PINX1: variants seen among roughly 807,000 people sequenced by gnomAD.
PINX1 encodes PIN2/TERF1-interacting telomerase inhibitor 1.
A neutral mutation model predicts 25.4 loss-of-function variants in PINX1; 34 were observed. The observed-to-expected ratio is 1.34, with a 90% CI of 1.02 to 1.78. The LOEUF is 1.78. Ranked by LOEUF, PINX1 falls within the 40% of genes most tolerant of loss-of-function variation. The pLI is 0.00. For missense variants in PINX1, 592 were observed against 404.9 expected (o/e 1.46, Z -3.97); for synonymous variants, 197 against 147.7 (o/e 1.33, Z -2.42).
chr8:10,828,691 T>C (rs948609894), intron 4 of PINX1, among the ~76,000 whole-genome samples: 2 of 152,202 alleles, frequency 1.3e-5, no homozygotes, highest in African/African-American at 4.8e-5. Context: ...AATCACTTTC[T>C]ATCTATTTGT....
At chr8:10,793,050 T>A (rs1342827066) in intron 6 of PINX1, among the ~76,000 whole-genome samples, 1 of 152,194 alleles carries the variant, frequency 6.6e-6, no homozygotes, top group African/African-American at 2.4e-5. Flanking sequence ...CGTGCCATTC[T>A]GACCCTCGCT....
chr8:10,767,578 T>C (rs1801094265), intron 6 of PINX1, among the ~76,000 whole-genome samples: 1 of 152,216 alleles, frequency 6.6e-6, no homozygotes, highest in Admixed American at 6.5e-5. Flanking sequence ...CCTCAGGAGA[T>C]TTGTCTTTTT....
At chr8:10,798,949 T>G (rs2129079133) in intron 6 of PINX1, among the ~76,000 whole-genome samples, 3 of 152,310 alleles carry the variant, frequency 2.0e-5, no homozygotes, top group Admixed American at 2.0e-4. Flanking sequence ...TAATCAGTTT[T>G]CCCAAATTGT....
intron 1 of PINX1, among the ~76,000 whole-genome samples, chr8:10,836,382 C>T (rs1327613882): frequency 6.6e-6 from 1 of 152,194 alleles, no homozygotes; most frequent in Non-Finnish European, 1.5e-5. Flanking sequence ...ATGAACAACA[C>T]ACCAGAGAGA....
At chr8:10,810,867 TCACTA>T (rs1328643126) in intron 6 of PINX1, among the ~76,000 whole-genome samples, 2 of 152,232 alleles carry the variant, frequency 1.3e-5, no homozygotes. Context: ...AGGAGTCACT[TCACTA>T]GAGGACTTTG....
At chr8:10,828,516 C>G (rs1477971960) in intron 4 of PINX1, among the ~76,000 whole-genome samples, 3 of 152,160 alleles carry the variant, frequency 2.0e-5, no homozygotes, top group Non-Finnish European at 4.4e-5. Flanking sequence ...GGGACCGAAG[C>G]CCAGGCAGAC....
intron 6 of PINX1, among the ~76,000 whole-genome samples, chr8:10,810,727 C>T (rs1797484284): frequency 6.6e-6 from 1 of 152,320 alleles, no homozygotes; most frequent in East Asian, 1.9e-4. Context: ...TCTGTACTTC[C>T]ACCCAAAACT....
At chr8:10,824,004 A>G (rs1797957572) in intron 5 of PINX1, among the ~76,000 whole-genome samples, 1 of 152,234 alleles carries the variant, frequency 6.6e-6, no homozygotes, top group Non-Finnish European at 1.5e-5. Flanking sequence ...AATATGAATC[A>G]TCCTCATCAA....
chr8:10,766,290 A>T (rs1801043491), intron 6 of PINX1, among the ~76,000 whole-genome samples: 1 of 152,220 alleles, frequency 6.6e-6, no homozygotes, highest in Non-Finnish European at 1.5e-5. Flanking sequence ...CTCCCATCAG[A>T]AACAGGGACA....
intron 2 of PINX1, chr8:10,833,402 AT>A (rs1798286432): frequency 6.4e-6 from 1 of 156,518 alleles, no homozygotes; most frequent in Non-Finnish European, 1.4e-5. Context: ...TAATTTCCAT[AT>A]TTTAAAAGAT....
intron 6 of PINX1, among the ~76,000 whole-genome samples, chr8:10,781,187 A>T (rs1801574349): frequency 6.6e-6 from 1 of 152,200 alleles, no homozygotes; most frequent in African/African-American, 2.4e-5. Flanking sequence ...TACAACATAT[A>T]CAAAAATCAA....
At chr8:10,789,397 C>T (rs1022759436) in intron 6 of PINX1, among the ~76,000 whole-genome samples, 1 of 152,208 alleles carries the variant, frequency 6.6e-6, no homozygotes, top group Non-Finnish European at 1.5e-5. Context: ...CTAATTAACA[C>T]ATGCATCACT....
intron 6 of PINX1, among the ~76,000 whole-genome samples, chr8:10,809,028 A>G (rs1046530921): frequency 6.6e-6 from 1 of 152,258 alleles, no homozygotes; most frequent in African/African-American, 2.4e-5. Flanking sequence ...TCAAGCCGAG[A>G]GCCATGTCAT....
intron 6 of PINX1, among the ~76,000 whole-genome samples, chr8:10,800,840 C>A (rs1272958933): frequency 6.6e-6 from 1 of 152,198 alleles, no homozygotes; most frequent in Non-Finnish European, 1.5e-5. Context: ...CTTCTCTTTG[C>A]TTTCCCACCT....
chr8:10,765,231 T>C lies in PINX1; in HGVS notation c.*170A>G, dbSNP rs1800990353. The C allele has an allele frequency of 3.4e-6, 2 of 588,270 alleles. No homozygotes were observed. The highest frequency in any genetic ancestry group is 2.9e-5 in the East Asian group (1 of 34,636). The allele number at this position is 588,270 out of a possible 1,614,324, so 36.4% of individuals were successfully genotyped here. On this transcript the variant is annotated 3_prime_UTR_variant, in exon 7 of 7. Transcript: ENST00000314787. The stretch of plus-strand genomic sequence containing the variant: ...AACATTAAAAAGGTCCTCCTGGGAA[T>C]GTAACTTGGGGGAAATGTGGCGAGA...
At chr8:10,787,808 G>A (rs781088681) in intron 6 of PINX1, 1 of 455,992 alleles carries the variant, frequency 2.2e-6, no homozygotes, top group South Asian at 1.6e-5. Flanking sequence ...AGGAATCCAA[G>A]GTGACTTCAA....
chr8:10,816,587 C>T (rs1797702620), intron 6 of PINX1, among the ~76,000 whole-genome samples: 1 of 152,208 alleles, frequency 6.6e-6, no homozygotes, highest in Non-Finnish European at 1.5e-5. Context: ...CCTCTGACTA[C>T]AGGTAAGGTA....
intron 6 of PINX1, among the ~76,000 whole-genome samples, chr8:10,819,549 C>T (rs1428521229): frequency 2.0e-5 from 3 of 152,222 alleles, no homozygotes; most frequent in Admixed American, 1.3e-4. Flanking sequence ...CTGTCTCTTA[C>T]ACTTCAAAAC....
intron 2 of PINX1, 60 bp from the exon 3 acceptor site, chr8:10,833,044 C>A: frequency 9.5e-7 from 1 of 1,051,066 alleles, no homozygotes; most frequent in Non-Finnish European, 1.4e-6. Context: ...AGAAGCAGAG[C>A]ACTGCTACAA....
Sources: gnomAD v4.1 joint callset for allele counts (sites outside exome capture counted in the v4.1 genomes callset) on GRCh38, gnomAD v4.1.1 for gene constraint, MANE v1.5 for transcripts, NCBI Gene and HGNC (gene_info 2026-07-23, HGNC 2026-07-21) for gene names.